Variants in GNL2 observed in about 807,000 individuals in gnomAD.
GNL2 encodes the protein nucleolar GTP-binding protein 2.
In GNL2, 51 loss-of-function variants were observed where a neutral mutation model predicts 92.3. That is an observed-to-expected ratio of 0.55 (90% CI 0.44 to 0.70). The LOEUF is 0.70. GNL2 is among the 30% of genes least tolerant of loss of function. The pLI is 0.00. For synonymous variants in GNL2, 283 were observed against 300.6 expected (o/e 0.94, Z 0.61); for missense variants, 844 against 895.6 (o/e 0.94, Z 0.74).
In GNL2 at chr1:37,569,143, G is replaced by A; in HGVS notation, c.1576C>T (p.Leu526Phe). 6.2e-7 allele frequency: 1 copy of A among 1,614,162 alleles called. No homozygotes were observed. The highest frequency in any genetic ancestry group is 8.5e-7 in the Non-Finnish European group (1 of 1,180,018). ...CDANTEMQQI[L>F]TRVRQNFGKI... ...CCAAAGTTCTGCCGAACTCGTGTGA[G>A]AATCTGCTGCATCTCTGTGTTAGCA... The change falls in exon 13 of 16, where the codon CTC becomes TTC. Residue 526 changes from leucine (L) to phenylalanine (F), a missense_variant. By Grantham distance (22) the Leu-to-Phe change is conservative. Coordinates refer to ENST00000373062, the MANE Select transcript of GNL2 (RefSeq NM_013285.3).
intron 4 of GNL2, among the ~76,000 whole-genome samples, chr1:37,589,889 G>C (rs564410944): frequency 6.6e-6 from 1 of 152,110 alleles, no homozygotes; most frequent in Non-Finnish European, 1.5e-5. Flanking sequence ...CTGAACGTAC[G>C]CAACACCAAA....
At chr1:37,569,474 G>A (rs1351348232) in intron 12 of GNL2, 172 bp from the exon 13 acceptor site, 2 of 594,956 alleles carry the variant, frequency 3.4e-6, no homozygotes, top group East Asian at 2.8e-5. Context: ...TGTACATTAA[G>A]CCCAGAGATC....
rs764777494 is a variant in GNL2 at position 37,592,740 on chromosome 1, T to G, written c.216A>C (p.Ala72=). 16 of 1,603,088 alleles carry G rather than the reference T, an allele frequency of 1.0e-5. No homozygotes were observed. In the East Asian group the frequency reaches 3.3e-4, roughly 34 times the overall value. The part of the protein sequence containing the change: ...YQSTVASGTV[A]RVEPNIKWFG... The stretch of plus-strand genomic sequence containing the variant: ...ACCATTTAATATTTGGCTCTACTCT[T>G]GCCACTGTGCCAGAAGCCACCGTTG... Residue 72 remains alanine (A), a synonymous_variant, in exon 3 of 16, where the codon GCA becomes GCC. Transcript: ENST00000373062.
intron 1 of GNL2, 99 bp downstream of exon 1, chr1:37,595,660 A>G: frequency 1.0e-6 from 1 of 982,138 alleles, no homozygotes; most frequent in Non-Finnish European, 1.6e-6. Flanking sequence ...CATTCTAAGC[A>G]ATGCCACTCG....
intron 15 of GNL2, 109 bp downstream of exon 15, chr1:37,567,564 A>G: frequency 1.3e-6 from 1 of 791,644 alleles, no homozygotes; most frequent in South Asian, 1.5e-5. Context: ...TAGGTCAACG[A>G]GGACTGGGGT....
chr1:37,586,023 G>T (rs892657303), intron 5 of GNL2, among the ~76,000 whole-genome samples: 1 of 152,126 alleles, frequency 6.6e-6, no homozygotes, highest in African/African-American at 2.4e-5. Flanking sequence ...GGATGAAAAA[G>T]ATGCGGTCAC....
intron 4 of GNL2, among the ~76,000 whole-genome samples, chr1:37,587,819 AATGTAATTAAG>A (rs1643865960): frequency 6.6e-6 from 1 of 152,260 alleles, no homozygotes; most frequent in Non-Finnish European, 1.5e-5. Flanking sequence ...ATTTCAGTCA[AATGTAATTAAG>A]GCTACAGTGG....
At chr1:37,584,046 G>C in intron 5 of GNL2, 113 bp from the exon 6 acceptor site, 1 of 701,774 alleles carries the variant, frequency 1.4e-6, no homozygotes, top group Non-Finnish European at 2.6e-6. Context: ...GTTGGAGATG[G>C]ACCAGAAACA....
Position 37,583,925 on chromosome 1 carries a change from G to A in GNL2, c.578C>T (p.Ala193Val). The A allele has an allele frequency of 6.4e-7, 1 of 1,567,960 alleles. No individual in the cohort carries two copies. The highest frequency in any genetic ancestry group is 8.8e-7 in the Non-Finnish European group (1 of 1,137,714). Reference sequence around the variant, plus strand: ...TCCCTTTTTATAGATCTCTTCTTGAGCTTCATTTCTAAATAAGAAAGCACC... The same window carrying A: ...TCCCTTTTTATAGATCTCTTCTTGAACTTCATTTCTAAATAAGAAAGCACC... ...VTEDTGVRNE[A>V]QEEIYKKGQS... is the part of the protein sequence containing the mutation. The change falls in exon 6 of 16, where the codon GCT becomes GTT. Residue 193 changes from alanine (A) to valine (V), a missense_variant. Ala to Val is a moderately conservative substitution (Grantham distance 64). Transcript: ENST00000373062.
At chr1:37,582,170 T>G (rs1643780472) in intron 8 of GNL2, 53 bp downstream of exon 8, 1 of 1,216,850 alleles carries the variant, frequency 8.2e-7, no homozygotes, top group African/African-American at 1.5e-5. Context: ...GACAGATTCT[T>G]ATACCAACTC....
At chr1:37,570,529 CAA>C (rs10669460) in intron 12 of GNL2, 24 of 101,100 alleles carry the variant, frequency 2.4e-4, no homozygotes, top group Admixed American at 4.1e-4. Flanking sequence ...GACTCCGTCT[CAA>C]AAAAAAAAAA....
At chr1:37,567,271 A>G (rs1303639900) in intron 15 of GNL2, among the ~76,000 whole-genome samples, 5 of 152,130 alleles carry the variant, frequency 3.3e-5, no homozygotes, top group Non-Finnish European at 5.9e-5. Context: ...CACTCCTGAC[A>G]AGTCCCCTGC....
At chr1:37,569,490 T>C in intron 12 of GNL2, 188 bp from the exon 13 acceptor site, 1 of 574,668 alleles carries the variant, frequency 1.7e-6, no homozygotes, top group Non-Finnish European at 3.1e-6. Context: ...AGATCAGTAC[T>C]AGGATCAAAG....
chr1:37,567,136 CA>C (rs577169041), intron 15 of GNL2, 129 bp from the exon 16 acceptor site: 6 of 951,238 alleles, frequency 6.3e-6, no homozygotes, highest in Middle Eastern at 2.2e-4. Flanking sequence ...CTACTGGAAG[CA>C]GTGCTAATGA....
intron 15 of GNL2, among the ~76,000 whole-genome samples, chr1:37,567,337 G>C (rs1418150558): frequency 6.6e-6 from 1 of 152,334 alleles, no homozygotes; most frequent in Non-Finnish European, 1.5e-5. Flanking sequence ...CTCTAGCTCT[G>C]AACAGCTCAG....
intron 3 of GNL2, among the ~76,000 whole-genome samples, chr1:37,591,688 T>C (rs1643888855): frequency 6.6e-6 from 1 of 151,938 alleles, no homozygotes; most frequent in African/African-American, 2.4e-5. Context: ...GTATATTTAG[T>C]AGAGATGGGG....
chr1:37,589,011 G>A (rs922457229), intron 4 of GNL2, among the ~76,000 whole-genome samples: 2 of 152,174 alleles, frequency 1.3e-5, no homozygotes, highest in African/African-American at 2.4e-5. Flanking sequence ...TACAGGCAAC[G>A]AAGCAATAAA....
chr1:37,576,562 C>CA lies in GNL2; in HGVS notation c.910-7dup, dbSNP rs1643681886. Reference sequence around the variant, plus strand: ...TGTTTCTTGTCAGTGTGCAACTGTTCAAAGAGAGAATACACAGCACATACA... The same window carrying CA: ...TGTTTCTTGTCAGTGTGCAACTGTTCAAAAGAGAGAATACACAGCACATACA... On this transcript the variant is annotated splice_region_variant and splice_polypyrimidine_tract_variant and intron_variant, in intron 8 of 15. Coordinates refer to ENST00000373062, the MANE Select transcript of GNL2 (RefSeq NM_013285.3). 3 of 1,612,964 alleles carry CA rather than the reference C, an allele frequency of 1.9e-6. No individual in the cohort carries two copies. The highest frequency in any genetic ancestry group is 3.3e-5 in the Admixed American group (2 of 59,764).
chr1:37,572,122 C>T (rs1020562694), intron 12 of GNL2, among the ~76,000 whole-genome samples: 12 of 152,098 alleles, frequency 7.9e-5, no homozygotes, highest in African/African-American at 2.2e-4. Flanking sequence ...AGGCCTTCCC[C>T]GACCACCCCA....
Sources: allele counts gnomAD v4.1 joint callset (sites outside exome capture counted in the v4.1 genomes callset), GRCh38; gene constraint gnomAD v4.1.1; transcripts MANE v1.5; gene names NCBI Gene and HGNC (gene_info 2026-07-23, HGNC 2026-07-21).